Variants in SIPA1L1 observed in about 807,000 individuals in gnomAD.
SIPA1L1 encodes the protein signal-induced proliferation-associated 1-like protein 1.
SIPA1L1 carries 26 observed loss-of-function variants against 162.7 expected under a neutral mutation model. That is an observed-to-expected ratio of 0.16 (90% CI 0.12 to 0.22). The LOEUF is 0.22. Among genes scored for constraint, SIPA1L1 ranks in the 10% least tolerant of loss-of-function variants. The pLI, the probability that SIPA1L1 is intolerant of heterozygous loss-of-function variation, is 1.00. For missense variants in SIPA1L1, 1,874 were observed against 2,241.0 expected (o/e 0.84, Z 3.31); for synonymous variants, 829 against 837.4 (o/e 0.99, Z 0.17).
intron 2 of SIPA1L1, among the ~76,000 whole-genome samples, chr14:71,439,514 C>A (rs1343011241): frequency 6.6e-6 from 1 of 152,148 alleles, no homozygotes; most frequent in Non-Finnish European, 1.5e-5. Context: ...ACTTAAAACC[C>A]TCTACCATAG....
In SIPA1L1 at chr14:71,671,221, G is replaced by A. The variant is rs745631806; in HGVS notation, c.2358G>A (p.Ala786=). Reference sequence around the variant, plus strand: ...ATGTGTTCAGGGACTTCCTTTTGGCGAAAGTGATTAATGCAGAAAATGCTG... The same window carrying A: ...ATGTGTTCAGGGACTTCCTTTTGGCAAAAGTGATTAATGCAGAAAATGCTG... ...KSNVFRDFLL[A]KVINAENAAH... is the part of the protein sequence containing the mutation. Residue 786 remains alanine, a synonymous_variant, in exon 11 of 24, where the codon GCG becomes GCA. Coordinates refer to ENST00000381232, the MANE Select transcript of SIPA1L1 (RefSeq NM_001386936.1). 18 of 1,614,022 alleles carry A rather than the reference G, an allele frequency of 1.1e-5. No homozygotes were observed. The highest frequency in any genetic ancestry group is 1.6e-4 in the Middle Eastern group (1 of 6,084).
chr14:71,462,505 A>G (rs879840497), intron 2 of SIPA1L1, among the ~76,000 whole-genome samples: 1 of 152,200 alleles, frequency 6.6e-6, no homozygotes, highest in Non-Finnish European at 1.5e-5. Flanking sequence ...CGAAATCCAA[A>G]TAGGTCCACT....
rs145411932 is a variant in SIPA1L1 at position 71,671,429 on chromosome 14, A to T, written c.2566A>T (p.Met856Leu). Residue 856 changes from methionine (M) to leucine (L), a missense_variant, in exon 11 of 24, where the codon ATG (methionine) becomes TTG (leucine). This residue lies in a region of SIPA1L1 where 243 missense variants were observed against 315.0 expected (regional missense o/e 0.77). Coordinates refer to ENST00000381232, the MANE Select transcript of SIPA1L1 (RefSeq NM_001386936.1). Reference protein sequence around the residue: ...KPYPGAELSSMGAIVWAVRAE... With the variant: ...KPYPGAELSSLGAIVWAVRAE... ...ATATCCAGGAGCCGAGCTCAGCAGC[A>T]TGGGGGCCATTGTATGGGCAGTCCG... is the stretch of plus-strand genomic sequence containing the variant. 2 of 1,614,092 alleles carry T rather than the reference A, an allele frequency of 1.2e-6. No homozygotes were observed. The highest frequency in any genetic ancestry group is 1.7e-6 in the Non-Finnish European group (2 of 1,180,046).
At chr14:71,661,595 T>C in intron 10 of SIPA1L1, 128 bp downstream of exon 10, 1 of 934,598 alleles carries the variant, frequency 1.1e-6, no homozygotes. Flanking sequence ...CTTTAAACCA[T>C]GCATGCGGAT....
intron 2 of SIPA1L1, among the ~76,000 whole-genome samples, chr14:71,352,255 C>T (rs2036793574): frequency 6.6e-6 from 1 of 152,044 alleles, no homozygotes; most frequent in African/African-American, 2.4e-5. Context: ...GATCATGGCT[C>T]ACTGCAGCCT....
chr14:71,386,161 G>A (rs1007939888), intron 2 of SIPA1L1, among the ~76,000 whole-genome samples: 1 of 152,174 alleles, frequency 6.6e-6, no homozygotes, highest in African/African-American at 2.4e-5. Flanking sequence ...TAATAGGATA[G>A]ATGTATATAT....
chr14:71,607,288 G>A (rs1333932020), intron 5 of SIPA1L1, among the ~76,000 whole-genome samples: 1 of 151,218 alleles, frequency 6.6e-6, no homozygotes, highest in African/African-American at 2.4e-5. Flanking sequence ...TGAAAAGCCT[G>A]CATGGTGTGG....
At chr14:71,610,344 C>A (rs938561459) in intron 5 of SIPA1L1, among the ~76,000 whole-genome samples, 4 of 152,076 alleles carry the variant, frequency 2.6e-5, no homozygotes, top group Non-Finnish European at 5.9e-5. Context: ...AAGGTGGAGC[C>A]CTGTAAATGA....
intron 2 of SIPA1L1, among the ~76,000 whole-genome samples, chr14:71,391,767 A>G (rs1190502040): frequency 6.6e-6 from 1 of 152,174 alleles, no homozygotes; most frequent in African/African-American, 2.4e-5. Flanking sequence ...TTAAGGAGAG[A>G]GGGAGACAGT....
At chr14:71,510,897 A>T (rs183727351) in intron 2 of SIPA1L1, among the ~76,000 whole-genome samples, 10 of 152,016 alleles carry the variant, frequency 6.6e-5, no homozygotes, top group African/African-American at 2.2e-4. Context: ...ACTTTGCCTG[A>T]TTTTCTTCCA....
At chr14:71,679,900 G>A (rs970047893) in intron 12 of SIPA1L1, among the ~76,000 whole-genome samples, 1 of 152,164 alleles carries the variant, frequency 6.6e-6, no homozygotes, top group African/African-American at 2.4e-5. Context: ...AAATATATAT[G>A]CACCCAATAC....
chr14:71,729,977 T>A (rs1320273184), intron 19 of SIPA1L1, 78 bp from the exon 20 acceptor site: 2 of 1,519,078 alleles, frequency 1.3e-6, no homozygotes, highest in Non-Finnish European at 1.8e-6. Context: ...AACTTGGTTA[T>A]CCCACCCTCC....
At chr14:71,550,858 C>G (rs1596064774) in intron 4 of SIPA1L1, among the ~76,000 whole-genome samples, 1 of 152,048 alleles carries the variant, frequency 6.6e-6, no homozygotes, top group Admixed American at 6.5e-5. Context: ...TGAGACCAGC[C>G]TGAGCAACAA....
chr14:71,516,454 G>A (rs536273109), intron 3 of SIPA1L1, among the ~76,000 whole-genome samples: 2 of 152,160 alleles, frequency 1.3e-5, no homozygotes, highest in South Asian at 2.1e-4. Flanking sequence ...TGACACCATC[G>A]TAGCTCACTG....
intron 2 of SIPA1L1, among the ~76,000 whole-genome samples, chr14:71,322,591 C>T (rs2033191033): frequency 6.6e-6 from 1 of 152,162 alleles, no homozygotes; most frequent in African/African-American, 2.4e-5. Flanking sequence ...AATATTAAAA[C>T]ATTTTTCCCA....
intron 2 of SIPA1L1, among the ~76,000 whole-genome samples, chr14:71,493,480 T>TG (rs1262856554): frequency 6.6e-6 from 1 of 152,212 alleles, no homozygotes; most frequent in Non-Finnish European, 1.5e-5. Flanking sequence ...ATTATTTTTG[T>TG]GGATGTGACT....
At chr14:71,498,741 T>A (rs766381174) in intron 2 of SIPA1L1, among the ~76,000 whole-genome samples, 2 of 152,228 alleles carry the variant, frequency 1.3e-5, no homozygotes, top group Non-Finnish European at 2.9e-5. Context: ...CTACCAACTC[T>A]TTTGCTGCTT....
At position 71,589,179 on chromosome 14, in the gene SIPA1L1, C is replaced by T; in HGVS notation, c.1307C>T (p.Ser436Phe). The T allele has an allele frequency of 6.2e-7, 1 of 1,614,060 alleles. No individual in the cohort carries two copies. The highest frequency in any genetic ancestry group is 8.5e-7 in the Non-Finnish European group (1 of 1,179,946). The change falls in exon 5 of 24, where the codon TCT (serine) becomes TTT (phenylalanine). Residue 436 changes from serine to phenylalanine, a missense_variant. Ser to Phe is a radical substitution (Grantham distance 155). Coordinates refer to ENST00000381232, the MANE Select transcript of SIPA1L1 (RefSeq NM_001386936.1). ...ERKISLSKSN[S>F]GSFSGCESAS... The stretch of plus-strand genomic sequence containing the variant: ...AAAATCAGCCTTTCAAAATCAAATT[C>T]TGGCTCCTTTAGTGGATGTGAAAGT...
chr14:71,690,263 T>A (rs1218985871), intron 13 of SIPA1L1, among the ~76,000 whole-genome samples: 1 of 152,150 alleles, frequency 6.6e-6, no homozygotes, highest in African/African-American at 2.4e-5. Flanking sequence ...TTAATTATTT[T>A]TTTTTTGTGA....
Sources: gnomAD v4.1 joint callset for allele counts (sites outside exome capture counted in the v4.1 genomes callset) on GRCh38, gnomAD v4.1.1 for gene constraint, gnomAD v4.1.1 regional missense constraint, MANE v1.5 for transcripts, NCBI Gene and HGNC (gene_info 2026-07-23, HGNC 2026-07-21) for gene names.